The following MTOR variants were observed in gnomAD, a reference collection of about 807,000 sequenced individuals.
The protein encoded by MTOR is mechanistic target of rapamycin kinase.
In MTOR, 70 loss-of-function variants were observed where a neutral mutation model predicts 319.8. That is an observed-to-expected ratio of 0.22 (90% CI 0.18 to 0.27). The LOEUF (loss-of-function observed/expected upper bound fraction) is 0.27, where lower values mean the gene tolerates loss of function less well. Ranked by LOEUF, MTOR falls within the 10% of genes least tolerant of loss-of-function variation. MTOR has a pLI of 1.00. For missense variants in MTOR, 1,890 were observed against 3,274.4 expected, an observed-to-expected ratio of 0.58 and a Z score of 10.32; for synonymous variants, 1,183 against 1,211.4, an observed-to-expected ratio of 0.98 and a Z score of 0.49.
intron 57 of MTOR, 60 bp from the exon 58 acceptor site, chr1:11,107,560 C>G (rs1416034565): frequency 1.3e-6 from 2 of 1,578,680 alleles, no homozygotes; most frequent in African/African-American, 2.7e-5. Flanking sequence ...AAGGTTTACA[C>G]AGATAACTTG....
intron 10 of MTOR, among the ~76,000 whole-genome samples, chr1:11,241,108 T>C (rs1281818995): frequency 6.6e-6 from 1 of 150,392 alleles, no homozygotes; most frequent in East Asian, 2.0e-4. Context: ...GATCACAAGG[T>C]CAGGAGATCG....
chr1:11,158,021 C>T (rs910802065), intron 29 of MTOR, among the ~76,000 whole-genome samples: 3 of 152,112 alleles, frequency 2.0e-5, no homozygotes, highest in Non-Finnish European at 4.4e-5. Flanking sequence ...TGGTGTGCCA[C>T]GCTGAAAGAG....
At chr1:11,186,568 G>C (rs1341147869) in intron 28 of MTOR, among the ~76,000 whole-genome samples, 1 of 152,170 alleles carries the variant, frequency 6.6e-6, no homozygotes, top group Non-Finnish European at 1.5e-5. Flanking sequence ...ATCCAACCTA[G>C]GTTTTCCAGA....
chr1:11,162,298 C>T (rs1031034979), intron 29 of MTOR, among the ~76,000 whole-genome samples: 1 of 152,196 alleles, frequency 6.6e-6, no homozygotes, highest in African/African-American at 2.4e-5. Flanking sequence ...ACCAAATCTA[C>T]GTCTGACTGG....
At position 11,243,244 on chromosome 1, in the gene MTOR, TCTC is replaced by T; in HGVS notation, c.1279_1281del (p.Glu427del). 6.2e-7 allele frequency: 1 copy of T among 1,614,126 alleles called. No individual in the cohort carries two copies. The highest frequency in any genetic ancestry group is 1.3e-5 in the African/African-American group (1 of 75,014). On this transcript the variant is annotated inframe_deletion, in exon 9 of 58. Coordinates refer to ENST00000361445, the MANE Select transcript of MTOR (RefSeq NM_004958.4). Reference sequence around the variant, plus strand: ...GCTTGGAAGGCCGCTGTACGTTCCTTCTCCTTCTTGACACAGCTTAGGACATGG... The same window carrying T: ...GCTTGGAAGGCCGCTGTACGTTCCTTCTTCTTGACACAGCTTAGGACATGG...
In MTOR at chr1:11,107,301, T is replaced by C. The variant is rs1641625154; in HGVS notation, c.*184A>G. On this transcript the variant is annotated 3_prime_UTR_variant, in exon 58 of 58. Coordinates refer to ENST00000361445, the MANE Select transcript of MTOR (RefSeq NM_004958.4). ...ATCAAGCCTTGTGTTTCTGACAATATATTCTTCAACAGCAGCTAGAAAGTT... is the reference window on the plus strand; with the variant it reads ...ATCAAGCCTTGTGTTTCTGACAATACATTCTTCAACAGCAGCTAGAAAGTT... The C allele has an allele frequency of 6.8e-7, 1 of 1,473,882 alleles. No individual in the cohort carries two copies. The highest frequency in any genetic ancestry group is 1.4e-5 in the African/African-American group (1 of 70,358). 91.3% of individuals were successfully genotyped at this position (1,473,882 alleles called of 1,614,324 possible). A position where few individuals can be genotyped will look rare whatever the true frequency, so the allele number is the denominator to read the frequency against.
At chr1:11,132,895 AT>A (rs1643228094) in intron 38 of MTOR, 184 bp downstream of exon 38, 4 of 599,230 alleles carry the variant, frequency 6.7e-6, no homozygotes, top group Non-Finnish European at 8.9e-6. Flanking sequence ...ATCTTTCTGT[AT>A]TAATTAAACT....
intron 28 of MTOR, among the ~76,000 whole-genome samples, chr1:11,194,209 A>T (rs780483517): frequency 6.6e-6 from 1 of 152,186 alleles, no homozygotes; most frequent in Non-Finnish European, 1.5e-5. Context: ...TGCACCTTAT[A>T]AGCAGGAAAG....
intron 34 of MTOR, chr1:11,144,107 TAGC>T (rs1384470282): frequency 2.0e-5 from 3 of 153,002 alleles, no homozygotes; most frequent in South Asian, 2.1e-4. Flanking sequence ...TAGCTATAAA[TAGC>T]AGGAGTTGGC....
chr1:11,122,776 G>C (rs563198379), intron 47 of MTOR, among the ~76,000 whole-genome samples: 20 of 152,162 alleles, frequency 1.3e-4, no homozygotes, highest in Middle Eastern at 3.4e-3. Flanking sequence ...CAAAGTGCTG[G>C]GATTACAGGC....
chr1:11,114,922 GTTTA>G (rs749178454), intron 51 of MTOR, 35 bp from the exon 52 acceptor site: 2 of 1,596,518 alleles, frequency 1.3e-6, no homozygotes, highest in Non-Finnish European at 1.7e-6. Context: ...CCAAATCAAT[GTTTA>G]TTTTCTTTAC....
intron 19 of MTOR, among the ~76,000 whole-genome samples, chr1:11,224,465 C>G (rs1271452502): frequency 2.0e-5 from 3 of 151,938 alleles, no homozygotes; most frequent in African/African-American, 7.3e-5. Context: ...AAAAGCCCAC[C>G]AATGTAAAGG....
intron 29 of MTOR, among the ~76,000 whole-genome samples, chr1:11,159,641 C>CA (rs796905295): frequency 0.016 from 1,904 of 117,978 alleles, 65 homozygotes; most frequent in Admixed American, 0.081. Flanking sequence ...AACTCCGTCT[C>CA]AAAAAAAAAA....
intron 28 of MTOR, among the ~76,000 whole-genome samples, chr1:11,197,498 C>T (rs1321918158): frequency 6.6e-6 from 1 of 152,146 alleles, no homozygotes; most frequent in African/African-American, 2.4e-5. Flanking sequence ...CCCAAAGAGC[C>T]GAGCACACTG....
rs1374747927 is a variant in MTOR at position 11,253,235 on chromosome 1, C to T, written c.840+604G>A. 2.0e-5 allele frequency among the ~76,000 whole-genome samples: 3 copies of T among 152,178 alleles called. No individual in the cohort carries two copies. In the East Asian group the frequency reaches 5.8e-4, roughly 29 times the overall value. On this transcript the variant is annotated intron_variant, in intron 6 of 57. Transcript: ENST00000361445. ...CTGTTTCCCTAATAAAATCCATGCA[C>T]TTTTAAATCCACCTTCTCAAGCCAA...
At position 11,148,400 on chromosome 1, in the gene MTOR, T is replaced by C. The variant is rs192856935; in HGVS notation, c.4571-1609A>G. On this transcript the variant is annotated intron_variant, in intron 31 of 57. Coordinates refer to ENST00000361445, the MANE Select transcript of MTOR (RefSeq NM_004958.4). Reference sequence around the variant, plus strand: ...TGGTCTTTGTCCCTAGTGCCTGGTATAGAGCTATCGAAAACCCTCTGCATT... The same window carrying C: ...TGGTCTTTGTCCCTAGTGCCTGGTACAGAGCTATCGAAAACCCTCTGCATT... Among the ~76,000 whole-genome samples, 404 of 152,312 alleles carry C rather than the reference T, an allele frequency of 2.7e-3. 1 individual carries two copies. The highest frequency in any genetic ancestry group is 6.8e-3 in the Middle Eastern group (2 of 294).
chr1:11,113,872 G>A (rs1465496425), intron 53 of MTOR, among the ~76,000 whole-genome samples: 1 of 152,164 alleles, frequency 6.6e-6, no homozygotes, highest in Non-Finnish European at 1.5e-5. Context: ...CTCATGGGAG[G>A]TGATTAGATC....
chr1:11,205,020 G>C (rs1202402308), intron 25 of MTOR, among the ~76,000 whole-genome samples: 1 of 152,112 alleles, frequency 6.6e-6, no homozygotes, highest in Non-Finnish European at 1.5e-5. Context: ...GGCTCCAGCA[G>C]GGCATGAAGG....
At chr1:11,196,593 G>A (rs1337364144) in intron 28 of MTOR, among the ~76,000 whole-genome samples, 2 of 152,140 alleles carry the variant, frequency 1.3e-5, no homozygotes, top group Admixed American at 6.6e-5. Flanking sequence ...GGTGGCTCAC[G>A]CCTGTAATCC....
Sources: allele counts gnomAD v4.1 joint callset (sites outside exome capture counted in the v4.1 genomes callset), GRCh38; gene constraint gnomAD v4.1.1; transcripts MANE v1.5; gene names NCBI Gene and HGNC (gene_info 2026-07-23, HGNC 2026-07-21).